Variants in ROBO2 observed in about 807,000 individuals in gnomAD.
ROBO2 encodes roundabout guidance receptor 2, also known as roundabout homolog 2.
Under a neutral mutation model 160.8 loss-of-function variants are expected in ROBO2, and 53 were observed. The observed-to-expected ratio is 0.33, with a 90% CI of 0.26 to 0.41. ROBO2 has a LOEUF of 0.41. Ranked by LOEUF, ROBO2 falls within the 10% of genes least tolerant of loss-of-function variation. ROBO2 has a pLI of 1.00. For missense variants in ROBO2, 1,577 were observed against 1,722.4 expected (o/e 0.92, Z 1.49); for synonymous variants, 664 against 611.7 (o/e 1.09, Z -1.26).
At chr3:77,285,383 G>A (rs527294322) in intron 2 of ROBO2, among the ~76,000 whole-genome samples, 1 of 152,244 alleles carries the variant, frequency 6.6e-6, no homozygotes, top group East Asian at 1.9e-4. Flanking sequence ...CCTGCTTTCA[G>A]AGCCATAAAA....
At chr3:76,034,609 T>G (rs2107728251) in intron 2 of ROBO2, among the ~76,000 whole-genome samples, 1 of 150,754 alleles carries the variant, frequency 6.6e-6, no homozygotes, top group South Asian at 2.1e-4. Flanking sequence ...AAATATTTAT[T>G]TTGCAGTTAA....
chr3:77,226,858 A>C (rs2086562225), intron 2 of ROBO2, among the ~76,000 whole-genome samples: 1 of 152,176 alleles, frequency 6.6e-6, no homozygotes, highest in African/African-American at 2.4e-5. Context: ...ACAGGTGCTC[A>C]AATACAGTTG....
At chr3:76,201,158 T>C (rs1490109582) in intron 2 of ROBO2, among the ~76,000 whole-genome samples, 1 of 152,212 alleles carries the variant, frequency 6.6e-6, no homozygotes, top group Non-Finnish European at 1.5e-5. Flanking sequence ...TCAGTCTTTA[T>C]GCCACAACAG....
intron 2 of ROBO2, among the ~76,000 whole-genome samples, chr3:76,146,876 T>TCACA (rs1053449648): frequency 6.8e-6 from 1 of 146,108 alleles, no homozygotes; most frequent in African/African-American, 2.5e-5. Flanking sequence ...ACACACACAC[T>TCACA]CACACACACA....
At chr3:76,388,417 A>G (rs1053129951) in intron 2 of ROBO2, among the ~76,000 whole-genome samples, 7 of 151,592 alleles carry the variant, frequency 4.6e-5, no homozygotes, top group South Asian at 2.1e-4. Context: ...GACTACAGGC[A>G]CCCGCCGCCA....
intron 2 of ROBO2, among the ~76,000 whole-genome samples, chr3:77,325,491 C>T: frequency 6.6e-6 from 1 of 152,174 alleles, no homozygotes; most frequent in South Asian, 2.1e-4. Context: ...CATGGGGGCC[C>T]TGGGCTTGAT....
At chr3:76,910,397 T>C (rs1045686758) in intron 2 of ROBO2, among the ~76,000 whole-genome samples, 1 of 151,954 alleles carries the variant, frequency 6.6e-6, no homozygotes, top group Non-Finnish European at 1.5e-5. Flanking sequence ...ACAAGTTTGG[T>C]TTGAATGGGC....
intron 2 of ROBO2, among the ~76,000 whole-genome samples, chr3:76,197,854 A>G (rs1397363713): frequency 6.6e-6 from 1 of 152,158 alleles, no homozygotes; most frequent in Non-Finnish European, 1.5e-5. Context: ...TGTGCCAGCT[A>G]TTTTTGCAAA....
intron 2 of ROBO2, among the ~76,000 whole-genome samples, chr3:76,211,431 CT>C (rs1257078449): frequency 6.6e-6 from 1 of 152,006 alleles, no homozygotes; most frequent in African/African-American, 2.4e-5. Flanking sequence ...ACATCCTTTT[CT>C]TTTAGTGATG....
At chr3:76,446,455 G>A (rs145258463) in intron 2 of ROBO2, among the ~76,000 whole-genome samples, 1,541 of 152,250 alleles carry the variant, frequency 0.01, 21 homozygotes, top group Middle Eastern at 0.034. Flanking sequence ...TGTGGAAATG[G>A]CCATACTGCC....
chr3:75,926,612 C>T (rs1947302820), intron 1 of ROBO2, among the ~76,000 whole-genome samples: 1 of 152,164 alleles, frequency 6.6e-6, no homozygotes, highest in Non-Finnish European at 1.5e-5. Context: ...AGCATACCTT[C>T]AACATTTGCC....
chr3:76,195,840 A>G (rs1702235789), intron 2 of ROBO2, among the ~76,000 whole-genome samples: 1 of 152,180 alleles, frequency 6.6e-6, no homozygotes, highest in South Asian at 2.1e-4. Context: ...GGATGCAGCA[A>G]TTCAAGTTGT....
chr3:76,806,214 C>CTT (rs1553912102), intron 2 of ROBO2, among the ~76,000 whole-genome samples: 3 of 146,168 alleles, frequency 2.1e-5, no homozygotes, highest in African/African-American at 7.6e-5. Flanking sequence ...TTTCTGTGTG[C>CTT]GTGTGTGTGT....
intron 2 of ROBO2, among the ~76,000 whole-genome samples, chr3:77,187,580 T>C (rs1301053482): frequency 6.6e-6 from 1 of 151,956 alleles, no homozygotes; most frequent in Non-Finnish European, 1.5e-5. Context: ...CACTGCAGAA[T>C]CTGTGGATCA....
chr3:76,881,813 T>A (rs1199055662), intron 2 of ROBO2, among the ~76,000 whole-genome samples: 1 of 152,226 alleles, frequency 6.6e-6, no homozygotes, highest in African/African-American at 2.4e-5. Flanking sequence ...GCAGAATGTG[T>A]GGAGGCCAGG....
intron 2 of ROBO2, among the ~76,000 whole-genome samples, chr3:76,551,600 C>G (rs1011144347): frequency 6.6e-6 from 1 of 152,074 alleles, no homozygotes; most frequent in Non-Finnish European, 1.5e-5. Context: ...CTTCAGGGAG[C>G]CCAGACCTAG....
At chr3:76,086,387 A>G (rs1346805622) in intron 2 of ROBO2, among the ~76,000 whole-genome samples, 1 of 152,146 alleles carries the variant, frequency 6.6e-6, no homozygotes, top group African/African-American at 2.4e-5. Flanking sequence ...TATGGGAACT[A>G]CAGTTCAATA....
intron 2 of ROBO2, among the ~76,000 whole-genome samples, chr3:76,333,831 T>A (rs1559780637): frequency 6.6e-6 from 1 of 152,200 alleles, no homozygotes; most frequent in Non-Finnish European, 1.5e-5. Context: ...TGATGGTTCA[T>A]GTCCTTTGTA....
intron 2 of ROBO2, among the ~76,000 whole-genome samples, chr3:77,261,926 C>T (rs1189806968): frequency 6.6e-6 from 1 of 152,036 alleles, no homozygotes; most frequent in African/African-American, 2.4e-5. Flanking sequence ...AGCCACCATA[C>T]CTGGCTTGAT....
Sources: gnomAD v4.1 joint callset for allele counts (sites outside exome capture counted in the v4.1 genomes callset) on GRCh38, gnomAD v4.1.1 for gene constraint, MANE v1.5 for transcripts, NCBI Gene and HGNC (gene_info 2026-07-23, HGNC 2026-07-21) for gene names.